The following SHOC1 variants were observed in gnomAD, a reference collection of about 807,000 sequenced individuals.
The protein encoded by SHOC1 is shortage in chiasmata 1.
A neutral mutation model predicts 179.2 loss-of-function variants in SHOC1; 136 were observed. The observed-to-expected ratio is 0.76, with a 90% CI of 0.66 to 0.87. The LOEUF is 0.87. Ranked by LOEUF, SHOC1 falls within the 40% of genes least tolerant of loss-of-function variation. The probability of loss-of-function intolerance (pLI) is 0.00; values close to 1 mark genes in which losing one functional copy is unlikely to be tolerated. For synonymous variants in SHOC1, 489 were observed against 586.6 expected, an observed-to-expected ratio of 0.83 and a Z score of 2.41; for missense variants, 1,538 against 1,700.8, an observed-to-expected ratio of 0.90 and a Z score of 1.68.
rs780490578 is a variant in SHOC1, at chr9:111,702,126, G to T, written c.3068C>A (p.Thr1023Asn). The change falls in exon 23 of 28, where the codon ACC becomes AAC. Residue 1023 changes from threonine (T) to asparagine (N), a missense_variant. Coordinates refer to ENST00000682961, the MANE Select transcript of SHOC1 (RefSeq NM_001378211.1). ...QYRYCWIILY[T>N]KETLNSEYLL... ...CTACTCTGAATTTAATGTTTCTTTG[G>T]TATATAAAATTATCCAACAATATCT... 7 of 1,491,280 alleles carry T rather than the reference G, an allele frequency of 4.7e-6. No individual in the cohort carries two copies. The highest frequency in any genetic ancestry group is 6.5e-6 in the Non-Finnish European group (7 of 1,082,036). The allele number at this position is 1,491,280 out of a possible 1,614,324, so 92.4% of individuals were successfully genotyped here.
intron 8 of SHOC1, among the ~76,000 whole-genome samples, chr9:111,750,013 A>G (rs1589440101): frequency 6.6e-6 from 1 of 152,072 alleles, no homozygotes; most frequent in Non-Finnish European, 1.5e-5. Context: ...ATAATAGGAT[A>G]ATTTATATTC....
In SHOC1 at chr9:111,746,246, G is replaced by A. The variant is rs773060680; in HGVS notation, c.1067C>T (p.Pro356Leu). The A allele has an allele frequency of 2.7e-5, 43 of 1,593,520 alleles. No individual in the cohort carries two copies. Among genetic ancestry groups the A allele is most frequent in the Non-Finnish European group, 3.3e-5 (38 of 1,161,848 alleles). Residue 356 changes from proline (P) to leucine (L), a missense_variant, in exon 10 of 28, where the codon CCG becomes CTG. Pro to Leu is a moderately conservative substitution (Grantham distance 98). Coordinates refer to ENST00000682961, the MANE Select transcript of SHOC1 (RefSeq NM_001378211.1). Reference sequence around the variant, plus strand: ...AATCTTTACTTACATTTTACAAACCGGAGATAATGGAAATGTCTGAAGTTC... The same window carrying A: ...AATCTTTACTTACATTTTACAAACCAGAGATAATGGAAATGTCTGAAGTTC... The part of the protein sequence containing the change: ...RTELQTFPLS[P>L]VCKINLLTAE...
chr9:111,686,240 GTTC>G lies in SHOC1; in HGVS notation c.*527_*529del, dbSNP rs1831156341. On this transcript the variant is annotated 3_prime_UTR_variant, in exon 28 of 28. Transcript: ENST00000682961. ...AAATATCTGTTCATATATTTTGCCC[GTTC>G]TTCTATCAGGTTGTCTTCTTTCTAT... The G allele has an allele frequency of 6.6e-6, 1 of 151,902 alleles. No homozygotes were observed. The highest frequency in any genetic ancestry group is 2.4e-5 in the African/African-American group (1 of 41,358). The allele number at this position is 151,902 out of a possible 1,614,324, so 9.4% of individuals were successfully genotyped here.
chr9:111,741,351 A>G, intron 11 of SHOC1, 125 bp downstream of exon 11: 2 of 552,322 alleles, frequency 3.6e-6, no homozygotes, highest in Non-Finnish European at 6.5e-6. Flanking sequence ...TTGGTATTTT[A>G]GCTTTAGGCG....
chr9:111,696,631 A>G (rs79983266), intron 24 of SHOC1, among the ~76,000 whole-genome samples: 2,046 of 148,242 alleles, frequency 0.014, 53 homozygotes, highest in African/African-American at 0.047. Flanking sequence ...CGGTACTCCT[A>G]TTTCATCCCC....
chr9:111,694,819 A>T (rs10981013), intron 24 of SHOC1, among the ~76,000 whole-genome samples: 8,263 of 152,158 alleles, frequency 0.054, 791 homozygotes, highest in African/African-American at 0.19. Context: ...AATGAATTTG[A>T]TGTTGTATTC....
At chr9:111,783,211 T>C (rs927101185) in intron 3 of SHOC1, among the ~76,000 whole-genome samples, 2 of 152,214 alleles carry the variant, frequency 1.3e-5, no homozygotes, top group Non-Finnish European at 2.9e-5. Context: ...TTTTTCTTCA[T>C]AGCAAAATTC....
intron 10 of SHOC1, among the ~76,000 whole-genome samples, chr9:111,743,622 A>G (rs1834137171): frequency 6.6e-6 from 1 of 152,180 alleles, no homozygotes. Flanking sequence ...AGTAATGAGG[A>G]TGGTATTTGT....
intron 12 of SHOC1, among the ~76,000 whole-genome samples, chr9:111,730,886 A>C (rs189339229): frequency 1.1e-3 from 174 of 152,300 alleles, no homozygotes; most frequent in African/African-American, 4.1e-3. Flanking sequence ...TCTACATTGA[A>C]TATCTGTTGT....
intron 8 of SHOC1, among the ~76,000 whole-genome samples, chr9:111,753,396 CAA>C (rs761630100): frequency 6.6e-6 from 1 of 151,948 alleles, no homozygotes; most frequent in Non-Finnish European, 1.5e-5. Context: ...AATATTGACA[CAA>C]AATTAATAAT....
intron 24 of SHOC1, among the ~76,000 whole-genome samples, chr9:111,697,851 CTGT>C (rs962756567): frequency 4.1e-4 from 62 of 152,296 alleles, no homozygotes; most frequent in African/African-American, 1.4e-3. Context: ...TCTCCAGCAT[CTGT>C]TGTTTCCTGA....
chr9:111,705,423 CT>C (rs34081368), intron 20 of SHOC1, 59 bp from the exon 21 acceptor site: 22,464 of 523,378 alleles, frequency 0.043, 771 homozygotes, highest in African/African-American at 0.17. Flanking sequence ...AGCTCTTTCT[CT>C]TTTTTTTTTT....
intron 5 of SHOC1, among the ~76,000 whole-genome samples, chr9:111,774,936 A>T (rs1328561160): frequency 6.6e-6 from 1 of 152,204 alleles, no homozygotes; most frequent in Admixed American, 6.5e-5. Flanking sequence ...TGGTTGAAAG[A>T]ATTCAACATC....
intron 15 of SHOC1, among the ~76,000 whole-genome samples, chr9:111,721,031 T>C (rs1035570555): frequency 1.3e-5 from 2 of 152,226 alleles, no homozygotes; most frequent in Non-Finnish European, 2.9e-5. Flanking sequence ...ATCAATCCTC[T>C]TGTGCTTTAT....
At chr9:111,758,646 AT>A in intron 6 of SHOC1, 48 bp downstream of exon 6, 1 of 1,493,464 alleles carries the variant, frequency 6.7e-7, no homozygotes, top group Non-Finnish European at 9.0e-7. Flanking sequence ...ATACTAAAAC[AT>A]TTTCACCTCT....
chr9:111,787,994 A>G (rs986224669), intron 2 of SHOC1, among the ~76,000 whole-genome samples: 2 of 151,872 alleles, frequency 1.3e-5, no homozygotes, highest in South Asian at 4.1e-4. Flanking sequence ...TTTTCAATTA[A>G]GTTATGCCCA....
At chr9:111,785,524 T>C (rs751622535) in intron 3 of SHOC1, among the ~76,000 whole-genome samples, 10 of 152,174 alleles carry the variant, frequency 6.6e-5, no homozygotes, top group Non-Finnish European at 1.3e-4. Context: ...AGTCCATGAC[T>C]TGATACAAAC....
chr9:111,736,038 A>C lies in SHOC1; in HGVS notation c.1417+2242T>G, dbSNP rs567681222. Among the ~76,000 whole-genome samples, 154 of 152,356 alleles carry C rather than the reference A, an allele frequency of 1.0e-3. 1 individual carries two copies. Among genetic ancestry groups the C allele is most frequent in the Middle Eastern group, 6.8e-3 (2 of 294 alleles). On this transcript the variant is annotated intron_variant, in intron 12 of 27. Transcript: ENST00000682961. The stretch of plus-strand genomic sequence containing the variant: ...ATAAAAGACCTCTACAAGGAGAACT[A>C]CAAAACACTGCTGAAAGAAATCATA...
chr9:111,784,867 C>G (rs773753949), intron 3 of SHOC1, among the ~76,000 whole-genome samples: 56 of 152,084 alleles, frequency 3.7e-4, no homozygotes, highest in Non-Finnish European at 6.6e-4. Flanking sequence ...TATAAGGGTA[C>G]TAATCCCTTT....
Sources: allele counts gnomAD v4.1 joint callset (sites outside exome capture counted in the v4.1 genomes callset), GRCh38; gene constraint gnomAD v4.1.1; transcripts MANE v1.5; gene names NCBI Gene and HGNC (gene_info 2026-07-23, HGNC 2026-07-21).